Variants in NLRP14 observed in about 807,000 individuals in gnomAD.
The protein encoded by NLRP14 is NLR family pyrin domain containing 14, also known as NACHT, LRR and PYD domains-containing protein 14.
Under a neutral mutation model 94.7 loss-of-function variants are expected in NLRP14, and 105 were observed. The ratio of observed to expected loss-of-function variants is 1.11; its 90% confidence interval spans 0.95 to 1.30. The LOEUF is 1.30. NLRP14 is among the 50% of genes most tolerant of loss of function. NLRP14 has a pLI of 0.00. For synonymous variants in NLRP14, 508 were observed against 459.9 expected (o/e 1.10, Z -1.34); for missense variants, 1,362 against 1,254.1 (o/e 1.09, Z -1.30).
At chr11:7,036,962 G>A (rs970900831) in intron 1 of NLRP14, among the ~76,000 whole-genome samples, 1 of 152,136 alleles carries the variant, frequency 6.6e-6, no homozygotes, top group Non-Finnish European at 1.5e-5. Context: ...TTGCTTATGA[G>A]ATTTAGATCA....
At chr11:7,065,605 A>G (rs1037964545) in intron 10 of NLRP14, among the ~76,000 whole-genome samples, 1 of 152,002 alleles carries the variant, frequency 6.6e-6, no homozygotes, top group East Asian at 1.9e-4. Flanking sequence ...GGGATAATGA[A>G]CTTTCATATG....
chr11:7,061,932 G>A (rs775145594), intron 9 of NLRP14, among the ~76,000 whole-genome samples: 4 of 152,024 alleles, frequency 2.6e-5, no homozygotes, highest in Non-Finnish European at 4.4e-5. Flanking sequence ...CTTTTTATAT[G>A]TAGCTTTCTT....
chr11:7,045,024 A>G (rs1852328178), intron 4 of NLRP14, among the ~76,000 whole-genome samples: 1 of 152,234 alleles, frequency 6.6e-6, no homozygotes, highest in Non-Finnish European at 1.5e-5. Flanking sequence ...AAGAAGGCAT[A>G]TAACTTGACT....
the NLRP14 span, among the ~76,000 whole-genome samples, chr11:7,077,151 A>T: frequency 2.6e-5 from 4 of 152,164 alleles, no homozygotes; most frequent in Non-Finnish European, 2.9e-5. Flanking sequence ...GGGTGTGACG[A>T]ATCAGCTCTC....
chr11:7,072,859 G>A (rs570503587), downstream of NLRP14, among the ~76,000 whole-genome samples: 21 of 152,272 alleles, frequency 1.4e-4, no homozygotes, highest in Middle Eastern at 3.4e-3. Flanking sequence ...GCCACTTATT[G>A]TCTCAGAGAG....
In NLRP14 at chr11:7,049,843, G is replaced by C. The variant is rs1204084688; in HGVS notation, c.2291+5G>C. ...GTGTAAACTACAGACTCTCAGGTAA[G>C]CTTTGAATTGTTTTGTCTTGTTTTG... On this transcript the variant is annotated splice_donor_5th_base_variant and intron_variant, in intron 6 of 11. Transcript: ENST00000299481. 1 of 1,611,012 alleles carries C rather than the reference G, an allele frequency of 6.2e-7. No individual in the cohort carries two copies. Among genetic ancestry groups the C allele is most frequent in the South Asian group, 1.1e-5 (1 of 91,034 alleles).
chr11:7,042,531 G>A lies in NLRP14; in HGVS notation c.505G>A (p.Asp169Asn). ...RKLLEHLFDV[D>N]VKTGAQPQIV... ...ACTGTTGGAACACTTGTTCGATGTG[G>A]ATGTCAAAACCGGTGCACAGCCACA... Residue 169 changes from aspartate to asparagine, a missense_variant, in exon 4 of 12, where the codon GAT becomes AAT. Asp to Asn is a conservative substitution (Grantham distance 23). Transcript: ENST00000299481. The A allele has an allele frequency of 3.7e-6, 6 of 1,614,208 alleles. No individual in the cohort carries two copies. Among genetic ancestry groups the A allele is most frequent in the African/African-American group, 1.3e-5 (1 of 75,058 alleles).
chr11:7,063,635 G>C (rs958852553), intron 10 of NLRP14, among the ~76,000 whole-genome samples: 10 of 152,126 alleles, frequency 6.6e-5, no homozygotes, highest in African/African-American at 2.2e-4. Context: ...TAAAATCTTG[G>C]CTTCTGGTGA....
intron 1 of NLRP14, among the ~76,000 whole-genome samples, chr11:7,036,489 C>G (rs1852164743): frequency 6.6e-6 from 1 of 152,106 alleles, no homozygotes; most frequent in South Asian, 2.1e-4. Context: ...GGGATTATGA[C>G]AGCAAAGAGA....
chr11:7,089,943 A>T, the NLRP14 span: 1 of 1,612,758 alleles, frequency 6.2e-7, no homozygotes, highest in Non-Finnish European at 8.5e-7. Flanking sequence ...GGATCATCTG[A>T]GCAGAGGCTC....
chr11:7,080,792 C>G, the NLRP14 span, among the ~76,000 whole-genome samples: 4 of 152,168 alleles, frequency 2.6e-5, no homozygotes, highest in Non-Finnish European at 5.9e-5. Context: ...ACACGAAACA[C>G]GGCTTGGCAG....
rs572032271 is a variant in NLRP14, at chr11:7,070,418, A to T, written c.3108A>T (p.Lys1036Asn). The T allele has an allele frequency of 6.2e-7, 1 of 1,611,890 alleles. No individual in the cohort carries two copies. The highest frequency in any genetic ancestry group is 1.3e-5 in the African/African-American group (1 of 74,982). ...ATGAAGGAATTGTGAAGTTATATAA[A>T]GTCTTGAAGTCTCCTAAGTGTAAAC... is the stretch of plus-strand genomic sequence containing the variant. Reference protein sequence around the residue: ...LGYEGIVKLYKVLKSPKCKLQ... With the variant: ...LGYEGIVKLYNVLKSPKCKLQ... Residue 1036 changes from lysine to asparagine, a missense_variant, in exon 11 of 12, where the codon AAA becomes AAT. Lys to Asn is a moderately conservative substitution (Grantham distance 94). Transcript: ENST00000299481.
chr11:7,060,424 C>T (rs1473346249), intron 9 of NLRP14, among the ~76,000 whole-genome samples: 1 of 151,716 alleles, frequency 6.6e-6, no homozygotes, highest in East Asian at 1.9e-4. Flanking sequence ...TATTTAAACT[C>T]AGGTTTATAA....
chr11:7,035,912 A>G (rs1050329691), intron 1 of NLRP14, among the ~76,000 whole-genome samples: 1 of 152,216 alleles, frequency 6.6e-6, no homozygotes, highest in African/African-American at 2.4e-5. Flanking sequence ...AGGCAATGCT[A>G]TGTAGTAGAA....
chr11:7,055,804 G>T (rs1476446395), intron 6 of NLRP14, among the ~76,000 whole-genome samples: 1 of 152,104 alleles, frequency 6.6e-6, no homozygotes, highest in Non-Finnish European at 1.5e-5. Flanking sequence ...GCTACAGATA[G>T]CAAGCAGTAA....
chr11:7,089,999 C>G, the NLRP14 span: 1 of 1,613,090 alleles, frequency 6.2e-7, no homozygotes, highest in Admixed American at 1.7e-5. Flanking sequence ...GCGGCGCCGC[C>G]CCAGGACGGG....
chr11:7,037,158 G>A (rs991583901), intron 1 of NLRP14, among the ~76,000 whole-genome samples: 1 of 152,156 alleles, frequency 6.6e-6, no homozygotes, highest in African/African-American at 2.4e-5. Flanking sequence ...AAATTTCAGA[G>A]TTCTTTTTTG....
At position 7,038,802 on chromosome 11, in the gene NLRP14, G is replaced by A; in HGVS notation, c.216G>A (p.Trp72Ter). Reference sequence around the variant, plus strand: ...AATATTATCCAGGAGAGAAAGCCTGGAGTGTGTCTCTCAAAATCTTTGGCA... The same window carrying A: ...AATATTATCCAGGAGAGAAAGCCTGAAGTGTGTCTCTCAAAATCTTTGGCA... The part of the protein sequence containing the change: ...MKKYYPGEKA[W>*]SVSLKIFGKM... Residue 72 changes from tryptophan to a stop codon, truncating the protein, a stop_gained, in exon 2 of 12, where the codon TGG becomes TGA. Transcript: ENST00000299481. LOFTEE classifies it high-confidence loss of function. 3 of 1,613,178 alleles carry A rather than the reference G, an allele frequency of 1.9e-6. No individual in the cohort carries two copies. The highest frequency in any genetic ancestry group is 2.5e-6 in the Non-Finnish European group (3 of 1,179,768).
At chr11:7,066,701 T>A (rs1451135128) in intron 10 of NLRP14, among the ~76,000 whole-genome samples, 1 of 152,206 alleles carries the variant, frequency 6.6e-6, no homozygotes, top group African/African-American at 2.4e-5. Flanking sequence ...TTTAATTAGA[T>A]CCCATTTGTC....
Sources: allele counts gnomAD v4.1 joint callset (sites outside exome capture counted in the v4.1 genomes callset), GRCh38; gene constraint gnomAD v4.1.1; transcripts MANE v1.5; gene names NCBI Gene and HGNC (gene_info 2026-07-23, HGNC 2026-07-21).